The following AFAP1L1 variants were observed in gnomAD, a reference collection of about 807,000 sequenced individuals.
The protein encoded by AFAP1L1 is actin filament associated protein 1 like 1, also known as actin filament-associated protein 1-like 1.
In AFAP1L1, 77 loss-of-function variants were observed where a neutral mutation model predicts 99.8. That is an observed-to-expected ratio of 0.77 (90% CI 0.64 to 0.93). The LOEUF (loss-of-function observed/expected upper bound fraction) is 0.93. Ranked by LOEUF, AFAP1L1 falls within the 40% of genes least tolerant of loss-of-function variation. The probability of loss-of-function intolerance (pLI) is 0.00; values close to 1 mark genes in which losing one functional copy is unlikely to be tolerated. For synonymous variants in AFAP1L1, 373 were observed against 395.3 expected, an observed-to-expected ratio of 0.94 and a Z score of 0.67; for missense variants, 893 against 996.8, an observed-to-expected ratio of 0.90 and a Z score of 1.40.
chr5:149,278,114 A>T (rs188935998), intron 1 of AFAP1L1, among the ~76,000 whole-genome samples: 1 of 152,164 alleles, frequency 6.6e-6, no homozygotes, highest in African/African-American at 2.4e-5. Flanking sequence ...CAGAAAAACA[A>T]TCCTGGTTTT....
intron 5 of AFAP1L1, among the ~76,000 whole-genome samples, chr5:149,303,957 A>T (rs1756317200): frequency 6.6e-6 from 1 of 152,210 alleles, no homozygotes; most frequent in Admixed American, 6.5e-5. Flanking sequence ...ATTTGCAGCC[A>T]TCACAACTAT....
At chr5:149,287,735 T>C (rs991314593) in intron 1 of AFAP1L1, among the ~76,000 whole-genome samples, 1 of 149,664 alleles carries the variant, frequency 6.7e-6, no homozygotes, top group Non-Finnish European at 1.5e-5. Context: ...GACATGAGGG[T>C]TTTTTGTTTT....
intron 16 of AFAP1L1, among the ~76,000 whole-genome samples, chr5:149,331,359 G>A (rs549389203): frequency 9.5e-4 from 144 of 152,252 alleles, no homozygotes; most frequent in Middle Eastern, 3.4e-3. Context: ...GGTGGCTCAC[G>A]CCTGTAATCC....
At chr5:149,331,277 T>A (rs763485252) in intron 16 of AFAP1L1, among the ~76,000 whole-genome samples, 18 of 151,754 alleles carry the variant, frequency 1.2e-4, no homozygotes, top group Non-Finnish European at 2.5e-4. Flanking sequence ...TCTCTATTTT[T>A]CTAAAAGAAA....
rs1193403984 is a variant in AFAP1L1 at position 149,332,329 on chromosome 5, G to A, written c.1976-366G>A. Among the ~76,000 whole-genome samples the A allele has an allele frequency of 8.5e-5, 13 of 152,230 alleles. No individual in the cohort carries two copies. In the East Asian group the frequency reaches 1.5e-3, roughly 18 times the overall value. ...GGAGGATCACTTGATCCCAGGAGGC[G>A]GAGGTTGCAGTGAGCTGAGATCACC... is the stretch of plus-strand genomic sequence containing the variant. On this transcript the variant is annotated intron_variant, in intron 16 of 18. Transcript: ENST00000296721.
intron 1 of AFAP1L1, among the ~76,000 whole-genome samples, chr5:149,288,085 A>T (rs541420772): frequency 5.0e-4 from 76 of 152,336 alleles, no homozygotes; most frequent in Non-Finnish European, 9.8e-4. Flanking sequence ...TCAAAAGCAG[A>T]AATCCCCAGC....
chr5:149,321,797 T>C (rs896627125), intron 14 of AFAP1L1, among the ~76,000 whole-genome samples: 6 of 149,664 alleles, frequency 4.0e-5, no homozygotes, highest in South Asian at 2.1e-4. Context: ...CTAGCACTTA[T>C]AGGAAGCTGA....
intron 17 of AFAP1L1, among the ~76,000 whole-genome samples, chr5:149,334,802 C>T (rs763707738): frequency 6.6e-5 from 10 of 151,774 alleles, no homozygotes; most frequent in Non-Finnish European, 1.3e-4. Context: ...CCAGCTACTC[C>T]GGAGGCTGAG....
chr5:149,300,424 C>T (rs1018530361), intron 3 of AFAP1L1, 70 bp downstream of exon 3: 17 of 1,407,450 alleles, frequency 1.2e-5, no homozygotes, highest in South Asian at 1.1e-4. Flanking sequence ...AAGGGTCCCC[C>T]GACTGGGCTG....
At chr5:149,287,820 G>A (rs1039904029) in intron 1 of AFAP1L1, among the ~76,000 whole-genome samples, 2 of 148,838 alleles carry the variant, frequency 1.3e-5, no homozygotes, top group Non-Finnish European at 3.0e-5. Flanking sequence ...GACCTCAAGT[G>A]ATCCGCCCAC....
intron 1 of AFAP1L1, among the ~76,000 whole-genome samples, chr5:149,281,870 C>T (rs1755528929): frequency 6.6e-6 from 1 of 152,152 alleles, no homozygotes; most frequent in African/African-American, 2.4e-5. Context: ...AAAAGGAGGT[C>T]TGAATAATTC....
intron 1 of AFAP1L1, among the ~76,000 whole-genome samples, chr5:149,289,700 G>A (rs971399653): frequency 2.0e-5 from 3 of 152,218 alleles, no homozygotes; most frequent in Non-Finnish European, 2.9e-5. Context: ...CAACAACTTG[G>A]AAGAGTCTGT....
intron 18 of AFAP1L1, 149 bp from the exon 19 acceptor site, chr5:149,339,858 C>G (rs188501868): frequency 1.5e-6 from 1 of 647,674 alleles, no homozygotes; most frequent in Admixed American, 2.8e-5. Flanking sequence ...GTGACTTACT[C>G]AGGGCCACAG....
At chr5:149,316,393 C>T in intron 11 of AFAP1L1, 90 bp downstream of exon 11, 1 of 1,489,412 alleles carries the variant, frequency 6.7e-7, no homozygotes, top group Non-Finnish European at 9.1e-7. Context: ...GCCTCGTCCA[C>T]CTCACCCCCA....
intron 1 of AFAP1L1, among the ~76,000 whole-genome samples, chr5:149,280,999 T>G (rs1755501225): frequency 6.6e-6 from 1 of 152,228 alleles, no homozygotes; most frequent in South Asian, 2.1e-4. Context: ...TTTTAACTTT[T>G]AGAAGCACTT....
At chr5:149,323,893 C>T (rs143525502) in intron 15 of AFAP1L1, among the ~76,000 whole-genome samples, 31 of 152,290 alleles carry the variant, frequency 2.0e-4, no homozygotes, top group African/African-American at 6.7e-4. Context: ...AAGAAATCAC[C>T]GAATGTCAAC....
intron 15 of AFAP1L1, among the ~76,000 whole-genome samples, chr5:149,323,856 C>G (rs1244899212): frequency 6.6e-6 from 1 of 152,142 alleles, no homozygotes; most frequent in East Asian, 1.9e-4. Context: ...AAATGGAAAT[C>G]TAAACTGAAA....
At chr5:149,338,126 G>A (rs537537977) in intron 18 of AFAP1L1, among the ~76,000 whole-genome samples, 11 of 152,268 alleles carry the variant, frequency 7.2e-5, no homozygotes, top group Admixed American at 1.3e-4. Context: ...TGTGGGAATC[G>A]GCAACATTTT....
chr5:149,291,395 C>T (rs778258761), intron 1 of AFAP1L1, among the ~76,000 whole-genome samples: 20 of 151,704 alleles, frequency 1.3e-4, no homozygotes, highest in Admixed American at 6.6e-4. Flanking sequence ...GGCATGGTGG[C>T]GCACACCTGT....
Sources: gnomAD v4.1 joint callset for allele counts (sites outside exome capture counted in the v4.1 genomes callset) on GRCh38, gnomAD v4.1.1 for gene constraint, MANE v1.5 for transcripts, NCBI Gene and HGNC (gene_info 2026-07-23, HGNC 2026-07-21) for gene names.